Variants in NAV1 observed in about 807,000 individuals in gnomAD.
NAV1 encodes the protein neuron navigator 1, also known as pore membrane and/or filament interacting like protein 3.
NAV1 carries 18 observed loss-of-function variants against 175.2 expected under a neutral mutation model. That is an observed-to-expected ratio of 0.10 (90% CI 0.07 to 0.15). The LOEUF (loss-of-function observed/expected upper bound fraction) is 0.15, where lower values mean the gene tolerates loss of function less well. Ranked by LOEUF, NAV1 falls within the 10% of genes least tolerant of loss-of-function variation. NAV1 has a pLI of 1.00. For missense variants in NAV1, 1,731 were observed against 2,436.6 expected, an observed-to-expected ratio of 0.71 and a Z score of 6.10; for synonymous variants, 897 against 978.7, an observed-to-expected ratio of 0.92 and a Z score of 1.56.
intron 1 of NAV1, among the ~76,000 whole-genome samples, chr1:201,685,420 G>T (rs1471292360): frequency 6.6e-6 from 1 of 152,188 alleles, no homozygotes; most frequent in Non-Finnish European, 1.5e-5. Flanking sequence ...CCAGCCTTGG[G>T]GCTGTAAGGC....
Position 201,809,935 on chromosome 1 carries a change from T to G in NAV1, c.4402-11T>G. On this transcript the variant is annotated splice_polypyrimidine_tract_variant and intron_variant, in intron 22 of 29. Transcript: ENST00000367296. The stretch of plus-strand genomic sequence containing the variant: ...ATATTTTCTTCTTCTTCTGCCTGTC[T>G]TTTCTGTCAGGACTATATTTCTAAA... 1 of 1,603,434 alleles carries G rather than the reference T, an allele frequency of 6.2e-7. No individual in the cohort carries two copies. Among genetic ancestry groups the G allele is most frequent in the Non-Finnish European group, 8.5e-7 (1 of 1,173,330 alleles).
chr1:201,598,133 T>C (rs1023951703), intron 2 of NAV1, among the ~76,000 whole-genome samples: 1 of 152,220 alleles, frequency 6.6e-6, no homozygotes, highest in African/African-American at 2.4e-5. Flanking sequence ...GCCAACGCTA[T>C]GTACACAGTG....
intron 3 of NAV1, chr1:201,724,060 A>T (rs1571908023): frequency 6.6e-6 from 1 of 152,164 alleles, no homozygotes; most frequent in Admixed American, 6.5e-5. Flanking sequence ...CAGGACGTCA[A>T]TGACCCTCTT....
chr1:201,731,552 G>T (rs1672860729), intron 3 of NAV1, among the ~76,000 whole-genome samples: 1 of 152,162 alleles, frequency 6.6e-6, no homozygotes, highest in African/African-American at 2.4e-5. Context: ...TCTCTTTCTT[G>T]TGGGGCATCT....
chr1:201,734,419 AAAAG>A (rs1348277667), intron 3 of NAV1, among the ~76,000 whole-genome samples: 1 of 150,134 alleles, frequency 6.7e-6, no homozygotes, highest in Non-Finnish European at 1.5e-5. Flanking sequence ...AAAAAAGAAA[AAAAG>A]AAGAAGAAGA....
At chr1:201,618,973 C>T (rs555641814), upstream of NAV1, among the ~76,000 whole-genome samples, 193 of 152,234 alleles carry the variant, frequency 1.3e-3, no homozygotes, top group Non-Finnish European at 2.3e-3. Context: ...TCCTCCACCA[C>T]CCAAAGATGG....
At chr1:201,793,965 C>T in intron 14 of NAV1, 90 bp downstream of exon 18, 1 of 1,108,794 alleles carries the variant, frequency 9.0e-7, no homozygotes, top group Non-Finnish European at 1.3e-6. Flanking sequence ...TGTTCTTGCT[C>T]ATGAATGCCA....
intron 1 of NAV1, among the ~76,000 whole-genome samples, chr1:201,702,131 G>A (rs1671451607): frequency 6.6e-6 from 1 of 152,176 alleles, no homozygotes; most frequent in South Asian, 2.1e-4. Flanking sequence ...AGATGCAAAA[G>A]GCCACATATT....
chr1:201,783,380 A>G (rs367965907), intron 6 of NAV1, 26 bp from the exon 11 acceptor site: 3 of 1,602,244 alleles, frequency 1.9e-6, no homozygotes, highest in African/African-American at 2.7e-5. Context: ...CTATTATTCT[A>G]AATATTTCGT....
intron 1 of NAV1, among the ~76,000 whole-genome samples, chr1:201,679,438 C>T (rs1313885799): frequency 6.6e-6 from 1 of 152,144 alleles, no homozygotes; most frequent in African/African-American, 2.4e-5. Context: ...AGGTAACCTT[C>T]TCTGTGGTTT....
intron 1 of NAV1, among the ~76,000 whole-genome samples, chr1:201,586,426 C>G (rs1667029325): frequency 6.6e-6 from 1 of 152,180 alleles, no homozygotes; most frequent in South Asian, 2.1e-4. Context: ...TCAATACCAC[C>G]TGTATTAGCC....
intron 1 of NAV1, among the ~76,000 whole-genome samples, chr1:201,669,399 C>T (rs150502831): frequency 6.6e-6 from 1 of 152,068 alleles, no homozygotes; most frequent in Non-Finnish European, 1.5e-5. Context: ...TGTGTCAGCA[C>T]AGAGGTCCGA....
chr1:201,746,686 C>T (rs1311377681), intron 3 of NAV1, among the ~76,000 whole-genome samples: 17 of 152,090 alleles, frequency 1.1e-4, no homozygotes, highest in Admixed American at 1.1e-3. Context: ...CATGGAAGTT[C>T]AAATGTAGAC....
intron 9 of NAV1, 45 bp downstream of exon 13, chr1:201,786,622 G>A: frequency 2.5e-6 from 4 of 1,581,142 alleles, no homozygotes; most frequent in Non-Finnish European, 3.4e-6. Flanking sequence ...TGAAGCAGGG[G>A]TCACCCTGCA....
intron 3 of NAV1, among the ~76,000 whole-genome samples, chr1:201,763,377 G>T (rs936855527): frequency 1.3e-5 from 2 of 152,154 alleles, no homozygotes; most frequent in African/African-American, 4.8e-5. Context: ...GTATCCCTGA[G>T]AATTTTTTGC....
chr1:201,793,723 C>A, intron 13 of NAV1, 69 bp from the exon 18 acceptor site: 3 of 1,353,664 alleles, frequency 2.2e-6, no homozygotes, highest in Non-Finnish European at 3.1e-6. Context: ...AAAACTATTT[C>A]CCATTGTCAG....
chr1:201,616,968 G>A (rs1668021009), intron 2 of NAV1, among the ~76,000 whole-genome samples: 1 of 152,126 alleles, frequency 6.6e-6, no homozygotes, highest in Non-Finnish European at 1.5e-5. Flanking sequence ...GTTGAACAAA[G>A]GGATCCTGCC....
At chr1:201,638,405 C>CT (rs980187846) in intron 2 of NAV1, among the ~76,000 whole-genome samples, 16 of 152,200 alleles carry the variant, frequency 1.1e-4, no homozygotes, top group Non-Finnish European at 2.2e-4. Flanking sequence ...AATGTGACTG[C>CT]AGTCCTAGAT....
intron 2 of NAV1, among the ~76,000 whole-genome samples, chr1:201,594,964 A>G (rs1223763273): frequency 6.6e-6 from 1 of 152,258 alleles, no homozygotes; most frequent in Admixed American, 6.5e-5. Flanking sequence ...AGGCAAGGGC[A>G]AGGTGCTTTG....
Sources: gnomAD v4.1 joint callset for allele counts (sites outside exome capture counted in the v4.1 genomes callset) on GRCh38, gnomAD v4.1.1 for gene constraint, MANE v1.5 for transcripts, NCBI Gene and HGNC (gene_info 2026-07-23, HGNC 2026-07-21) for gene names.